CHP2: variants seen among roughly 807,000 people sequenced by gnomAD.
CHP2 encodes calcineurin B homologous protein 2.
CHP2 carries 31 observed loss-of-function variants against 24.7 expected under a neutral mutation model. The observed-to-expected ratio is 1.26, with a 90% confidence interval of 0.94 to 1.69. The LOEUF is 1.69. CHP2 is among the 40% of genes most tolerant of loss of function. The pLI is 0.00. For synonymous variants in CHP2, 97 were observed against 99.1 expected, an observed-to-expected ratio of 0.98 and a Z score of 0.13; for missense variants, 319 against 261.5, an observed-to-expected ratio of 1.22 and a Z score of -1.52.
intron 5 of CHP2, 144 bp from the exon 6 acceptor site, chr16:23,757,057 A>AG (rs984177493): frequency 2.4e-6 from 2 of 817,182 alleles, no homozygotes; most frequent in Non-Finnish European, 3.8e-6. Flanking sequence ...AGGGAAAATT[A>AG]TTGGGGGATA....
Position 23,755,666 on chromosome 16 carries a change from C to T in CHP2, c.73C>T (p.Gln25Ter). Residue 25 changes from glutamine (Q) to a stop codon, truncating the protein, a stop_gained, in exon 2 of 7, where the codon CAA becomes TAA. Transcript: ENST00000300113. LOFTEE classifies it high-confidence loss of function. Reference protein sequence around the residue: ...DSIRRETGFSQASLLRLHHRF... With the variant: ...DSIRRETGFS The stretch of plus-strand genomic sequence containing the variant: ...CCCCACTCTCCTTCCCGCAGTCTCC[C>T]AAGCCAGCCTGCTCCGCCTGCACCA... 1.2e-6 allele frequency: 2 copies of T among 1,613,950 alleles called. No individual in the cohort carries two copies. The highest frequency in any genetic ancestry group is 1.7e-6 in the Non-Finnish European group (2 of 1,179,946).
In CHP2 at chr16:23,757,135, T is replaced by G; in HGVS notation, c.415-66T>G. The G allele has an allele frequency of 1.9e-6, 3 of 1,597,530 alleles. No homozygotes were observed. In the South Asian group the frequency reaches 3.3e-5, roughly 18 times the overall value. ...ACTTTTGGGATGAGGTGGGCAAGGTTTAGGAGATGGGGAGTTGCAGCCTTC... is the reference window on the plus strand; with the variant it reads ...ACTTTTGGGATGAGGTGGGCAAGGTGTAGGAGATGGGGAGTTGCAGCCTTC... On this transcript the variant is annotated intron_variant, in intron 5 of 6. Transcript: ENST00000300113.
Position 23,755,054 on chromosome 16 carries a change from G to A in CHP2, c.5G>A (p.Gly2Glu), listed in dbSNP as rs1034136369. 2.5e-6 allele frequency: 4 copies of A among 1,594,730 alleles called. No individual in the cohort carries two copies. In the African/African-American group the frequency reaches 5.5e-5, roughly 22 times the overall value. Reference protein sequence around the residue: MGSRSSHAAVIP... With the variant: MESRSSHAAVIP... ...CCTTCCGCCTCCAGCTCGGCCATGG[G>A]GTCGCGCAGCTCCCACGCCGCGGTC... The change falls in exon 1 of 7, where the codon GGG (glycine) becomes GAG (glutamate). Residue 2 changes from glycine (G) to glutamate (E), a missense_variant. Transcript: ENST00000300113.
Position 23,756,305 on chromosome 16 carries a change from C to G in CHP2, c.353-83C>G, listed in dbSNP as rs549135862. 9.5e-6 allele frequency: 15 copies of G among 1,571,570 alleles called. No individual in the cohort carries two copies. The East Asian group carries it at 3.4e-4, about 36-fold the overall frequency. On this transcript the variant is annotated intron_variant, in intron 4 of 6. Transcript: ENST00000300113. The stretch of plus-strand genomic sequence containing the variant: ...GGGCATTGACAACCTCCCCCCTCCT[C>G]CAAGGTGGGGGGAAGGAAGGTGGCT...
rs1961201418 is a variant in CHP2, at chr16:23,755,042, G to C, written c.-8G>C. On this transcript the variant is annotated 5_prime_UTR_variant, in exon 1 of 7. Coordinates refer to ENST00000300113, the MANE Select transcript of CHP2 (RefSeq NM_022097.4). ...GGCTGCTCCGGCCCTTCCGCCTCCA[G>C]CTCGGCCATGGGGTCGCGCAGCTCC... The C allele has an allele frequency of 1.9e-6, 3 of 1,584,716 alleles. No homozygotes were observed. The highest frequency in any genetic ancestry group is 2.2e-5 in the South Asian group (2 of 89,032).
chr16:23,756,357 C>A, intron 4 of CHP2, 31 bp from the exon 5 acceptor site: 1 of 1,604,254 alleles, frequency 6.2e-7, no homozygotes, highest in Non-Finnish European at 8.5e-7. Flanking sequence ...GGAAGACCTA[C>A]CTTCCTTTCC....
chr16:23,757,625 C>T lies in CHP2; in HGVS notation c.*42C>T, dbSNP rs1200678118. 10 of 1,557,810 alleles carry T rather than the reference C, an allele frequency of 6.4e-6. No individual in the cohort carries two copies. The highest frequency in any genetic ancestry group is 8.9e-6 in the Non-Finnish European group (10 of 1,128,776). ...GGCTTGCTCCTGCAACCAGTATCTC[C>T]TTGGAATTCATCCAAAGCCCCCATG... On this transcript the variant is annotated 3_prime_UTR_variant, in exon 7 of 7. Coordinates refer to ENST00000300113, the MANE Select transcript of CHP2 (RefSeq NM_022097.4).
rs773684839 is a variant in CHP2 at position 23,755,076 on chromosome 16, G to T, written c.27G>T (p.Ala9=). The T allele has an allele frequency of 1.9e-6, 3 of 1,599,856 alleles. No individual in the cohort carries two copies. The highest frequency in any genetic ancestry group is 2.6e-6 in the Non-Finnish European group (3 of 1,175,952). MGSRSSHA[A]VIPDGDSIRR... Reference sequence around the variant, plus strand: ...TGGGGTCGCGCAGCTCCCACGCCGCGGTCATTCCCGACGGGGACAGTATTC... The same window carrying T: ...TGGGGTCGCGCAGCTCCCACGCCGCTGTCATTCCCGACGGGGACAGTATTC... Residue 9 remains alanine, a synonymous_variant, in exon 1 of 7, where the codon GCG becomes GCT. Transcript: ENST00000300113.
chr16:23,756,086 G>C lies in CHP2; in HGVS notation c.245G>C (p.Gly82Ala). 3.1e-6 allele frequency: 5 copies of C among 1,614,108 alleles called. No homozygotes were observed. The highest frequency in any genetic ancestry group is 4.2e-6 in the Non-Finnish European group (5 of 1,180,022). ...AGGAGCCAGCGAGTGGATTTCCCAG[G>C]CTTTGTCAGGGTCTTGGCTCATTTT... ...PDGSQRVDFPGFVRVLAHFRP... is the reference protein window; with the variant it reads ...PDGSQRVDFPAFVRVLAHFRP... The change falls in exon 4 of 7, where the codon GGC (glycine) becomes GCC (alanine). Residue 82 changes from glycine (G) to alanine (A), a missense_variant. Gly to Ala is a moderately conservative substitution (Grantham distance 60). Coordinates refer to ENST00000300113, the MANE Select transcript of CHP2 (RefSeq NM_022097.4).
Position 23,757,615 on chromosome 16 carries a change from C to T in CHP2, c.*32C>T, listed in dbSNP as rs768838800. 6.3e-7 allele frequency: 1 copy of T among 1,592,836 alleles called. No homozygotes were observed. Among genetic ancestry groups the T allele is most frequent in the Non-Finnish European group, 8.6e-7 (1 of 1,160,740 alleles). ...TTGTGCCTTGGGCTTGCTCCTGCAACCAGTATCTCCTTGGAATTCATCCAA... is the reference window on the plus strand; with the variant it reads ...TTGTGCCTTGGGCTTGCTCCTGCAATCAGTATCTCCTTGGAATTCATCCAA... On this transcript the variant is annotated 3_prime_UTR_variant, in exon 7 of 7. Transcript: ENST00000300113.
intron 4 of CHP2, 64 bp from the exon 5 acceptor site, chr16:23,756,324 G>C: frequency 6.3e-7 from 1 of 1,588,914 alleles, no homozygotes; most frequent in Non-Finnish European, 8.6e-7. Flanking sequence ...GGGGAAGGAA[G>C]GTGGCTGCTG....
At chr16:23,755,591 C>G in intron 1 of CHP2, 70 bp from the exon 2 acceptor site, 1 of 1,346,688 alleles carries the variant, frequency 7.4e-7, no homozygotes, top group Non-Finnish European at 1.1e-6. Flanking sequence ...ATCTTCCTGG[C>G]CTGTTGGGGC....
rs775610049 is a variant in CHP2 at position 23,755,028 on chromosome 16, C to A, written c.-22C>A. On this transcript the variant is annotated 5_prime_UTR_variant, in exon 1 of 7. Coordinates refer to ENST00000300113, the MANE Select transcript of CHP2 (RefSeq NM_022097.4). Reference sequence around the variant, plus strand: ...GCGTGGGTCCGGGTGGCTGCTCCGGCCCTTCCGCCTCCAGCTCGGCCATGG... The same window carrying A: ...GCGTGGGTCCGGGTGGCTGCTCCGGACCTTCCGCCTCCAGCTCGGCCATGG... The A allele has an allele frequency of 1.3e-5, 21 of 1,565,762 alleles. No individual in the cohort carries two copies. The African/African-American group carries it at 2.6e-4, about 20-fold the overall frequency.
Position 23,758,921 on chromosome 16 carries a change from A to G in CHP2, c.*1338A>G. On this transcript the variant is annotated 3_prime_UTR_variant, in exon 7 of 7. Transcript: ENST00000300113. ...GGAAGAGACGATGTAAAAATAATAA[A>G]CAATATATACCTTCCTAGAGTGTGA... 1 of 152,260 alleles carries G rather than the reference A, an allele frequency of 6.6e-6. No individual in the cohort carries two copies. The highest frequency in any genetic ancestry group is 1.9e-4 in the East Asian group (1 of 5,190). 9.4% of individuals were successfully genotyped at this position (152,260 alleles called of 1,614,324 possible). A position where few individuals can be genotyped will look rare whatever the true frequency, so the allele number is the denominator to read the frequency against.
intron 1 of CHP2, 54 bp downstream of exon 1, chr16:23,755,170 TG>T: frequency 7.3e-7 from 1 of 1,363,490 alleles, no homozygotes; most frequent in Non-Finnish European, 1.0e-6. Flanking sequence ...CCCAGGCGTC[TG>T]GGGCTAGGGA....
rs1247503504 is a variant in CHP2 at position 23,755,871 on chromosome 16, G to A, written c.165G>A (p.Gly55=). The A allele has an allele frequency of 6.2e-7, 1 of 1,614,092 alleles. No homozygotes were observed. The highest frequency in any genetic ancestry group is 8.5e-7 in the Non-Finnish European group (1 of 1,180,054). The change falls in exon 3 of 7, where the codon GGG becomes GGA. Residue 55 remains glycine, a synonymous_variant. Transcript: ENST00000300113. ...YLSRMDLQQI[G]ALAVNPLGDR... is the part of the protein sequence containing the mutation. The stretch of plus-strand genomic sequence containing the variant: ...GCCGCATGGATCTCCAGCAGATAGG[G>A]GCGCTCGCCGTGAACCCCCTGGGAG...
Position 23,757,221 on chromosome 16 carries a change from G to T in CHP2, c.435G>T (p.Gly145=). The T allele has an allele frequency of 1.2e-6, 2 of 1,614,052 alleles. No individual in the cohort carries two copies. Among genetic ancestry groups the T allele is most frequent in the Non-Finnish European group, 1.7e-6 (2 of 1,180,004 alleles). The part of the protein sequence containing the change: ...EMLQVLRLMV[G]VQVTEEQLEN... ...CTCAGGTTCTCCGTCTGATGGTTGGGGTACAGGTGACAGAAGAGCAGCTGG... is the reference window on the plus strand; with the variant it reads ...CTCAGGTTCTCCGTCTGATGGTTGGTGTACAGGTGACAGAAGAGCAGCTGG... Residue 145 remains glycine (G), a synonymous_variant, in exon 6 of 7, where the codon GGG becomes GGT. Coordinates refer to ENST00000300113, the MANE Select transcript of CHP2 (RefSeq NM_022097.4).
Position 23,755,846 on chromosome 16 carries a change from G to T in CHP2, c.141-1G>T. 2.5e-6 allele frequency: 4 copies of T among 1,614,182 alleles called. No homozygotes were observed. Among genetic ancestry groups the T allele is most frequent in the Non-Finnish European group, 3.4e-6 (4 of 1,180,036 alleles). On this transcript the variant is annotated splice_acceptor_variant, in intron 2 of 6. Coordinates refer to ENST00000300113, the MANE Select transcript of CHP2 (RefSeq NM_022097.4). LOFTEE classifies it high-confidence loss of function. ...ACCCTCTTTGAAATTTGGCTTTGCA[G>T]CCGCATGGATCTCCAGCAGATAGGG... is the stretch of plus-strand genomic sequence containing the variant.
At chr16:23,755,391 G>A in intron 1 of CHP2, 4 of 598,676 alleles carry the variant, frequency 6.7e-6, no homozygotes, top group Non-Finnish European at 1.2e-5. Flanking sequence ...CCGGCTCGAA[G>A]CTGAAGGCAG....
Sources: allele counts gnomAD v4.1 joint callset, GRCh38; gene constraint gnomAD v4.1.1; transcripts MANE v1.5; gene names NCBI Gene and HGNC (gene_info 2026-07-23, HGNC 2026-07-21).